BTN2A1: variants seen among roughly 807,000 people sequenced by gnomAD.
The protein encoded by BTN2A1 is butyrophilin, subfamily 2, member A1.
In BTN2A1, 41 loss-of-function variants were observed where a neutral mutation model predicts 34.5. The ratio of observed to expected loss-of-function variants is 1.19; its 90% confidence interval spans 0.93 to 1.54. The LOEUF (loss-of-function observed/expected upper bound fraction) is 1.54, where lower values mean the gene tolerates loss of function less well. Ranked by LOEUF, BTN2A1 falls within the 40% of genes most tolerant of loss-of-function variation. BTN2A1 has a pLI of 0.00. For synonymous variants in BTN2A1, 267 were observed against 258.6 expected, an observed-to-expected ratio of 1.03 and a Z score of -0.31; for missense variants, 642 against 662.0, an observed-to-expected ratio of 0.97 and a Z score of 0.33.
Position 26,468,283 on chromosome 6 carries a change from A to T in BTN2A1, c.1318A>T (p.Ile440Phe), listed in dbSNP as rs1292202864. 1 of 1,614,080 alleles carries T rather than the reference A, an allele frequency of 6.2e-7. No homozygotes were observed. The highest frequency in any genetic ancestry group is 1.3e-5 in the African/African-American group (1 of 75,006). The change falls in exon 8 of 8, where the codon ATT becomes TTT. Residue 440 changes from isoleucine (I) to phenylalanine (F), a missense_variant. Physicochemically the swap from Ile to Phe is conservative, Grantham distance 21. Transcript: ENST00000312541. ...QYRAVSSPDR[I>F]LPLKESLCRV... ...CCGGGCCGTGTCCTCCCCTGATAGG[A>T]TTCTCCCTTTGAAGGAGTCCCTTTG...
chr6:26,468,499 C>A lies in BTN2A1; in HGVS notation c.1534C>A (p.Pro512Thr), dbSNP rs557060816. The A allele has an allele frequency of 2.5e-5, 40 of 1,614,012 alleles. No individual in the cohort carries two copies. The highest frequency in any genetic ancestry group is 3.2e-5 in the Non-Finnish European group (38 of 1,180,038). ...CACAGGAGCCAATGGGGTCACGGTG[C>A]CTGAAGAGGGCCTGACACTTCACAG... ...ALTGANGVTV[P>T]EEGLTLHRVG... The change falls in exon 8 of 8, where the codon CCT becomes ACT. Residue 512 changes from proline (P) to threonine (T), a missense_variant. Pro to Thr is a conservative substitution (Grantham distance 38). Coordinates refer to ENST00000312541, the MANE Select transcript of BTN2A1 (RefSeq NM_007049.5).
chr6:26,476,112 T>A lies in BTN2A1; in HGVS notation c.983-10T>A, dbSNP rs184713324. On this transcript the variant is annotated splice_polypyrimidine_tract_variant and intron_variant, in intron 7 of 7. Transcript: ENST00000469185. The stretch of plus-strand genomic sequence containing the variant: ...GCCTCCCTTCTCCTATGTCTCCTTT[T>A]GAGTTGTAGGGCCAGTTTGAAGCTT... The A allele has an allele frequency of 2.0e-6, 3 of 1,535,464 alleles. No individual in the cohort carries two copies. In the African/African-American group the frequency reaches 4.1e-5, roughly 21 times the overall value.
At chr6:26,474,395 T>C (rs1763503574), downstream of BTN2A1, among the ~76,000 whole-genome samples, 1 of 152,254 alleles carries the variant, frequency 6.6e-6, no homozygotes, top group African/African-American at 2.4e-5. Context: ...ATCGTTCTGA[T>C]GGTTTGCAAA....
chr6:26,458,663 C>T lies in BTN2A1; in HGVS notation c.27C>T (p.Phe9=). The part of the protein sequence containing the change: MESAAALH[F]SRPASLLLLL... ...TGGAATCAGCTGCTGCCCTGCACTT[C>T]TCCCGGCCAGCCTCCCTCCTCCTCC... is the stretch of plus-strand genomic sequence containing the variant. Residue 9 remains phenylalanine (F), a synonymous_variant, in exon 2 of 8, where the codon TTC becomes TTT. Transcript: ENST00000312541. 3 of 1,614,140 alleles carry T rather than the reference C, an allele frequency of 1.9e-6. No homozygotes were observed. The highest frequency in any genetic ancestry group is 2.5e-6 in the Non-Finnish European group (3 of 1,180,014).
At chr6:26,461,254 C>T (rs923226412) in intron 3 of BTN2A1, among the ~76,000 whole-genome samples, 1 of 152,180 alleles carries the variant, frequency 6.6e-6, no homozygotes, top group African/African-American at 2.4e-5. Context: ...AGTGGCCTGG[C>T]CTTTCCCACT....
downstream of BTN2A1, among the ~76,000 whole-genome samples, chr6:26,471,704 A>G (rs1397050437): frequency 6.6e-6 from 1 of 152,104 alleles, no homozygotes; most frequent in East Asian, 1.9e-4. Context: ...AACTGGAAAG[A>G]TGAAGTTGTT....
chr6:26,469,097 G>A lies in BTN2A1; in HGVS notation c.*548G>A. 1 of 1,098,590 alleles carries A rather than the reference G, an allele frequency of 9.1e-7. No homozygotes were observed. The highest frequency in any genetic ancestry group is 1.1e-6 in the Non-Finnish European group (1 of 895,928). 68.1% of individuals were successfully genotyped at this position (1,098,590 alleles called of 1,614,324 possible). A position where few individuals can be genotyped will look rare whatever the true frequency, so the allele number is the denominator to read the frequency against. On this transcript the variant is annotated 3_prime_UTR_variant, in exon 8 of 8. Transcript: ENST00000312541. The stretch of plus-strand genomic sequence containing the variant: ...TAACAGCTAAGGGGACCTGGGAGAT[G>A]ATGGCTCATTTCCACCCAGCCCCAG...
At position 26,465,969 on chromosome 6, in the gene BTN2A1, A is replaced by AT; in HGVS notation, c.953dup (p.Leu318PhefsTer12). 6.2e-7 allele frequency: 1 copy of AT among 1,614,252 alleles called. No homozygotes were observed. The highest frequency in any genetic ancestry group is 8.5e-7 in the Non-Finnish European group (1 of 1,180,036). On this transcript the variant is annotated frameshift_variant, in exon 6 of 8. Transcript: ENST00000312541. LOFTEE classifies it low-confidence loss of function (END_TRUNC). ...GTTTTTCAGAGAAACTTCAAGAAGA[A>AT]TTGCGTAAGTTTAGCCTTTCCTTAA...
Position 26,458,989 on chromosome 6 carries a change from T to A in BTN2A1, c.82+271T>A, listed in dbSNP as rs184097636. Among the ~76,000 whole-genome samples, 3 of 152,374 alleles carry A rather than the reference T, an allele frequency of 2.0e-5. No individual in the cohort carries two copies. In the East Asian group the frequency reaches 5.8e-4, roughly 29 times the overall value. Reference sequence around the variant, plus strand: ...ACATGAAATAAATTTGTATACTATATTTTGTTTCGCCCCAAATAATCAAAT... The same window carrying A: ...ACATGAAATAAATTTGTATACTATAATTTGTTTCGCCCCAAATAATCAAAT... On this transcript the variant is annotated intron_variant, in intron 2 of 7. Coordinates refer to ENST00000312541, the MANE Select transcript of BTN2A1 (RefSeq NM_007049.5).
At chr6:26,472,677 G>C (rs1400389210), downstream of BTN2A1, among the ~76,000 whole-genome samples, 1 of 152,154 alleles carries the variant, frequency 6.6e-6, no homozygotes, top group Non-Finnish European at 1.5e-5. Flanking sequence ...GCATGCCCCA[G>C]CTCACCTGTG....
At position 26,459,578 on chromosome 6, in the gene BTN2A1, G is replaced by A. The variant is rs770885501; in HGVS notation, c.180G>A (p.Glu60=). The part of the protein sequence containing the change: ...RCHLSPEKNA[E]DMEVRWFRSQ... ...ATCTGTCACCCGAGAAAAATGCTGAGGACATGGAGGTGCGGTGGTTCCGGT... is the reference window on the plus strand; with the variant it reads ...ATCTGTCACCCGAGAAAAATGCTGAAGACATGGAGGTGCGGTGGTTCCGGT... The change falls in exon 3 of 8, where the codon GAG becomes GAA. Residue 60 remains glutamate (E), a synonymous_variant. Transcript: ENST00000312541. 2.8e-5 allele frequency: 45 copies of A among 1,613,946 alleles called. 1 individual carries two copies. Among genetic ancestry groups the A allele is most frequent in the East Asian group, 2.5e-4 (11 of 44,890 alleles).
chr6:26,467,916 C>T (rs768197877), intron 7 of BTN2A1, 32 bp from the exon 8 acceptor site: 5 of 1,597,618 alleles, frequency 3.1e-6, no homozygotes, highest in Non-Finnish European at 4.3e-6. Context: ...GTTCCTGAGA[C>T]CCCAGGCCTA....
At chr6:26,461,355 T>C (rs932549039) in intron 3 of BTN2A1, among the ~76,000 whole-genome samples, 1 of 152,260 alleles carries the variant, frequency 6.6e-6, no homozygotes, top group Non-Finnish European at 1.5e-5. Context: ...CTTAAATCTA[T>C]TTTGTCATGC....
chr6:26,466,135 G>C, intron 7 of BTN2A1, 47 bp downstream of exon 7: 1 of 1,612,600 alleles, frequency 6.2e-7, no homozygotes, highest in Non-Finnish European at 8.5e-7. Context: ...CTCCACACTA[G>C]CCAGCTAACA....
intron 7 of BTN2A1, among the ~76,000 whole-genome samples, chr6:26,467,025 G>C (rs1265188904): frequency 6.6e-6 from 1 of 152,178 alleles, no homozygotes; most frequent in Non-Finnish European, 1.5e-5. Context: ...TTTGCCCACA[G>C]ACCCCTCAGG....
At chr6:26,461,561 T>C (rs1029958904) in intron 3 of BTN2A1, among the ~76,000 whole-genome samples, 12 of 152,114 alleles carry the variant, frequency 7.9e-5, no homozygotes, top group African/African-American at 2.7e-4. Flanking sequence ...GGCGGGTGGG[T>C]CATCCGAGGT....
Position 26,468,784 on chromosome 6 carries a change from G to C in BTN2A1, c.*235G>C. 1 of 1,598,082 alleles carries C rather than the reference G, an allele frequency of 6.3e-7. No homozygotes were observed. The highest frequency in any genetic ancestry group is 8.5e-7 in the Non-Finnish European group (1 of 1,170,900). ...CTATGGGATGGGATCCAGGCATAGGGAACTAGTTGTTACACAGCTCCCAGC... is the reference window on the plus strand; with the variant it reads ...CTATGGGATGGGATCCAGGCATAGGCAACTAGTTGTTACACAGCTCCCAGC... On this transcript the variant is annotated 3_prime_UTR_variant, in exon 8 of 8. Coordinates refer to ENST00000312541, the MANE Select transcript of BTN2A1 (RefSeq NM_007049.5).
Position 26,463,358 on chromosome 6 carries a change from A to G in BTN2A1, c.545A>G (p.Tyr182Cys). ...PKPLTVWRDP[Y>C]GGVAPALKEV... The stretch of plus-strand genomic sequence containing the variant: ...CCCCTCACAGTGTGGAGGGACCCCT[A>G]CGGTGGGGTTGCGCCTGCCCTGAAA... Residue 182 changes from tyrosine (Y) to cysteine (C), a missense_variant, in exon 4 of 8, where the codon TAC (tyrosine) becomes TGC (cysteine). Coordinates refer to ENST00000312541, the MANE Select transcript of BTN2A1 (RefSeq NM_007049.5). 1.9e-6 allele frequency: 3 copies of G among 1,613,984 alleles called. No homozygotes were observed. Among genetic ancestry groups the G allele is most frequent in the Non-Finnish European group, 1.7e-6 (2 of 1,179,974 alleles).
intron 3 of BTN2A1, among the ~76,000 whole-genome samples, chr6:26,460,349 T>G (rs1229563460): frequency 5.3e-5 from 8 of 152,158 alleles, no homozygotes; most frequent in Admixed American, 5.2e-4. Flanking sequence ...TGATAAATAT[T>G]AATCTTTACT....
Sources: allele counts gnomAD v4.1 joint callset (sites outside exome capture counted in the v4.1 genomes callset), GRCh38; gene constraint gnomAD v4.1.1; transcripts MANE v1.5; gene names NCBI Gene and HGNC (gene_info 2026-07-23, HGNC 2026-07-21).